The following TAFA1 variants were observed in gnomAD, a reference collection of about 807,000 sequenced individuals.
The protein encoded by TAFA1 is TAFA chemokine like family member 1, also known as chemokine-like protein TAFA-1.
A neutral mutation model predicts 18.5 loss-of-function variants in TAFA1; 4 were observed. That is an observed-to-expected ratio of 0.22 (90% CI 0.11 to 0.49). TAFA1 has a LOEUF of 0.49. TAFA1 is among the 20% of genes least tolerant of loss of function. The probability of loss-of-function intolerance (pLI) is 0.98; values close to 1 mark genes in which losing one functional copy is unlikely to be tolerated. For synonymous variants in TAFA1, 56 were observed against 55.2 expected (o/e 1.01, Z -0.06); for missense variants, 147 against 169.0 (o/e 0.87, Z 0.72).
intron 2 of TAFA1, among the ~76,000 whole-genome samples, chr3:68,010,406 C>T (rs948214670): frequency 2.6e-5 from 4 of 152,182 alleles, no homozygotes; most frequent in African/African-American, 4.8e-5. Context: ...TGGCACCAGC[C>T]AGCCAGGGTC....
intron 2 of TAFA1, among the ~76,000 whole-genome samples, chr3:68,011,430 A>G (rs1402525041): frequency 6.6e-6 from 1 of 152,106 alleles, no homozygotes; most frequent in African/African-American, 2.4e-5. Context: ...AGATATATTC[A>G]TTTTTGCCTT....
chr3:68,161,459 A>C (rs2065924431), intron 2 of TAFA1, among the ~76,000 whole-genome samples: 1 of 152,212 alleles, frequency 6.6e-6, no homozygotes, highest in African/African-American at 2.4e-5. Context: ...GCTCGATTAG[A>C]AACTCTAGGG....
chr3:68,281,034 C>T (rs73097384), intron 2 of TAFA1, among the ~76,000 whole-genome samples: 5 of 152,120 alleles, frequency 3.3e-5, no homozygotes, highest in Non-Finnish European at 7.4e-5. Flanking sequence ...TGATGGTATG[C>T]AACTTATTTC....
At chr3:68,322,740 C>G (rs933720031) in intron 2 of TAFA1, among the ~76,000 whole-genome samples, 3 of 152,070 alleles carry the variant, frequency 2.0e-5, no homozygotes, top group African/African-American at 7.2e-5. Flanking sequence ...CTCAGGACTT[C>G]AAGACCAGCC....
chr3:68,453,655 G>A (rs2071605509), intron 3 of TAFA1, among the ~76,000 whole-genome samples: 1 of 152,190 alleles, frequency 6.6e-6, no homozygotes, highest in Admixed American at 6.5e-5. Flanking sequence ...TTCTGTGTAA[G>A]CATCTGGCAA....
chr3:68,221,238 G>C (rs2066726101), intron 2 of TAFA1, among the ~76,000 whole-genome samples: 1 of 152,036 alleles, frequency 6.6e-6, no homozygotes. Context: ...TTTCTTACTG[G>C]ACTTTGACCT....
intron 2 of TAFA1, among the ~76,000 whole-genome samples, chr3:68,229,936 G>A (rs1034195693): frequency 6.6e-6 from 1 of 152,036 alleles, no homozygotes; most frequent in African/African-American, 2.4e-5. Context: ...CAGGACCTAT[G>A]GTGATGGCTT....
In TAFA1 at chr3:68,221,063, C is replaced by T. The variant is rs138779998; in HGVS notation, c.119-196217C>T. Among the ~76,000 whole-genome samples the T allele has an allele frequency of 3.3e-3, 495 of 152,274 alleles. 1 individual carries two copies. Among genetic ancestry groups the T allele is most frequent in the African/African-American group, 0.011 (454 of 41,556 alleles). ...TAGCAGCTTCAAGTCCCACGGGTCACACAAGTGTAGCTCAGGGAAGTAAAG... is the reference window on the plus strand; with the variant it reads ...TAGCAGCTTCAAGTCCCACGGGTCATACAAGTGTAGCTCAGGGAAGTAAAG... On this transcript the variant is annotated intron_variant, in intron 2 of 4. Transcript: ENST00000478136.
chr3:68,183,717 C>T (rs1457350077), intron 2 of TAFA1, among the ~76,000 whole-genome samples: 1 of 152,128 alleles, frequency 6.6e-6, no homozygotes, highest in Non-Finnish European at 1.5e-5. Flanking sequence ...ATTTCCAACC[C>T]ACTTTGGTAA....
chr3:68,045,293 C>T (rs985042697), intron 2 of TAFA1, among the ~76,000 whole-genome samples: 11 of 152,064 alleles, frequency 7.2e-5, no homozygotes, highest in African/African-American at 2.4e-4. Flanking sequence ...TCCCTATAAT[C>T]CATTGACCAA....
chr3:68,459,833 G>A (rs958833052), intron 3 of TAFA1, among the ~76,000 whole-genome samples: 2 of 152,198 alleles, frequency 1.3e-5, no homozygotes. Flanking sequence ...CTTCTCATGT[G>A]TAATCAGAGA....
intron 2 of TAFA1, among the ~76,000 whole-genome samples, chr3:68,211,504 G>T (rs2066596238): frequency 1.3e-5 from 2 of 152,014 alleles, no homozygotes; most frequent in South Asian, 2.1e-4. Context: ...CAAAAATACT[G>T]TGGTGATTGA....
At position 68,086,370 on chromosome 3, in the gene TAFA1, C is replaced by G. The variant is rs374034768; in HGVS notation, c.118+79626C>G. 2.0e-5 allele frequency among the ~76,000 whole-genome samples: 3 copies of G among 152,158 alleles called. No homozygotes were observed. The South Asian group carries it at 6.2e-4, about 32-fold the overall frequency. Reference sequence around the variant, plus strand: ...AGATGCAAGTGAATATCTGGGCAGTCCTTTACAATTTGCAGAAGTTCTCTT... The same window carrying G: ...AGATGCAAGTGAATATCTGGGCAGTGCTTTACAATTTGCAGAAGTTCTCTT... On this transcript the variant is annotated intron_variant, in intron 2 of 4. Coordinates refer to ENST00000478136, the MANE Select transcript of TAFA1 (RefSeq NM_213609.4).
intron 2 of TAFA1, among the ~76,000 whole-genome samples, chr3:68,404,674 G>T (rs1056835322): frequency 2.0e-5 from 3 of 152,100 alleles, no homozygotes; most frequent in Non-Finnish European, 4.4e-5. Flanking sequence ...GCAGGTGCCT[G>T]TAATCCCAGC....
At chr3:68,244,335 C>T (rs2107142131) in intron 2 of TAFA1, among the ~76,000 whole-genome samples, 1 of 152,108 alleles carries the variant, frequency 6.6e-6, no homozygotes, top group South Asian at 2.1e-4. Context: ...TTTGCCAAGT[C>T]CTAGGTTTAG....
chr3:68,183,679 T>G (rs1165759549), intron 2 of TAFA1, among the ~76,000 whole-genome samples: 1 of 152,172 alleles, frequency 6.6e-6, no homozygotes, highest in Admixed American at 6.6e-5. Context: ...ATTTAGGGAC[T>G]GTTCATTCTT....
At chr3:68,118,317 A>C (rs1240624184) in intron 2 of TAFA1, among the ~76,000 whole-genome samples, 1 of 152,076 alleles carries the variant, frequency 6.6e-6, no homozygotes, top group Non-Finnish European at 1.5e-5. Context: ...CTACCATAAG[A>C]ATCTAATACT....
chr3:68,121,793 G>C (rs910738278), intron 2 of TAFA1, among the ~76,000 whole-genome samples: 1 of 152,082 alleles, frequency 6.6e-6, no homozygotes, highest in East Asian at 1.9e-4. Context: ...ATTCAAAGAG[G>C]GGTGTCCATC....
intron 2 of TAFA1, among the ~76,000 whole-genome samples, chr3:68,011,195 G>T (rs922692060): frequency 1.3e-5 from 2 of 152,034 alleles, no homozygotes; most frequent in African/African-American, 4.8e-5. Context: ...AAATTATTTA[G>T]CAAGAGAAGA....
Sources: allele counts gnomAD v4.1 joint callset (sites outside exome capture counted in the v4.1 genomes callset), GRCh38; gene constraint gnomAD v4.1.1; transcripts MANE v1.5; gene names NCBI Gene and HGNC (gene_info 2026-07-23, HGNC 2026-07-21).